KDM4B: variants seen among roughly 807,000 people sequenced by gnomAD.
The protein encoded by KDM4B is lysine-specific demethylase 4B.
A neutral mutation model predicts 125.2 loss-of-function variants in KDM4B; 32 were observed. The ratio of observed to expected loss-of-function variants is 0.26; its 90% CI spans 0.19 to 0.34. The LOEUF (loss-of-function observed/expected upper bound fraction) is 0.34. KDM4B is among the 10% of genes least tolerant of loss of function. The pLI, the probability that KDM4B is intolerant of heterozygous loss-of-function variation, is 1.00. For missense variants in KDM4B, 1,190 were observed against 1,577.7 expected (o/e 0.75, Z 4.16); for synonymous variants, 721 against 677.9 (o/e 1.06, Z -0.99).
At chr19:5,017,156 G>A (rs1477291021) in intron 2 of KDM4B, among the ~76,000 whole-genome samples, 1 of 152,186 alleles carries the variant, frequency 6.6e-6, no homozygotes, top group Admixed American at 6.5e-5. Flanking sequence ...GAGGGCGAGT[G>A]TGGACTTGAG....
chr19:5,144,189 GCTCC>G, intron 19 of KDM4B, 37 bp downstream of exon 19: 1 of 1,587,308 alleles, frequency 6.3e-7, no homozygotes, highest in Non-Finnish European at 8.6e-7. Flanking sequence ...CCAGCCCCTG[GCTCC>G]CGCCCCCACC....
chr19:5,041,332 T>C, intron 5 of KDM4B, 81 bp downstream of exon 5: 1 of 1,075,412 alleles, frequency 9.3e-7, no homozygotes, highest in Non-Finnish European at 1.4e-6. Flanking sequence ...GGACTCTGCC[T>C]TGGCAGATGA....
intron 11 of KDM4B, among the ~76,000 whole-genome samples, chr19:5,127,514 G>A (rs1043856891): frequency 5.3e-5 from 8 of 152,238 alleles, no homozygotes; most frequent in Non-Finnish European, 5.9e-5. Context: ...CGGGCTATGC[G>A]TGGAGTGCGT....
At chr19:5,050,749 A>C (rs78165062) in intron 6 of KDM4B, among the ~76,000 whole-genome samples, 14,642 of 151,996 alleles carry the variant, frequency 0.096, 901 homozygotes, top group Admixed American at 0.15. Context: ...AAATACAAAA[A>C]ATGAGCCGGG....
chr19:5,150,254 A>T, intron 21 of KDM4B, 104 bp from the exon 22 acceptor site: 1 of 851,492 alleles, frequency 1.2e-6, no homozygotes, highest in Non-Finnish European at 1.8e-6. Context: ...AGCGGGCCCC[A>T]TGCACCCAAG....
At chr19:5,034,840 AG>A (rs1288888782) in intron 3 of KDM4B, among the ~76,000 whole-genome samples, 1 of 152,114 alleles carries the variant, frequency 6.6e-6, no homozygotes, top group Admixed American at 6.5e-5. Context: ...CTGTTTTGAG[AG>A]GGGGTCTGGC....
At position 5,066,934 on chromosome 19, in the gene KDM4B, G is replaced by A. The variant is rs190573738; in HGVS notation, c.627-4076G>A. On this transcript the variant is annotated intron_variant, in intron 6 of 22. Coordinates refer to ENST00000159111, the MANE Select transcript of KDM4B (RefSeq NM_015015.3). ...GTGGACAGTGGTGCAGAGGAGTGGC[G>A]ATGCCCGGGTCCTGGGTCCTGGGTC... Among the ~76,000 whole-genome samples, 7 of 152,286 alleles carry A rather than the reference G, an allele frequency of 4.6e-5. No homozygotes were observed. In the East Asian group the frequency reaches 5.8e-4, roughly 13 times the overall value.
intron 9 of KDM4B, among the ~76,000 whole-genome samples, chr19:5,086,969 T>G (rs2613781): frequency 0.043 from 6,498 of 152,324 alleles, 198 homozygotes; most frequent in Non-Finnish European, 0.068. Context: ...GCTTACCTAC[T>G]TACACAGCCT....
At chr19:5,048,908 G>T (rs955248119) in intron 6 of KDM4B, among the ~76,000 whole-genome samples, 3 of 152,206 alleles carry the variant, frequency 2.0e-5, no homozygotes, top group Non-Finnish European at 2.9e-5. Context: ...GAAGCAGGGG[G>T]GTCAGGGACA....
intron 2 of KDM4B, among the ~76,000 whole-genome samples, chr19:5,029,524 G>A (rs996630638): frequency 4.6e-5 from 7 of 152,200 alleles, no homozygotes; most frequent in African/African-American, 1.7e-4. Context: ...TCCTAAGCAT[G>A]TCATTTCCAA....
At position 5,135,438 on chromosome 19, in the gene KDM4B, C is replaced by T; in HGVS notation, c.2185C>T (p.Pro729Ser). 6.2e-7 allele frequency: 1 copy of T among 1,613,612 alleles called. No individual in the cohort carries two copies. Among genetic ancestry groups the T allele is most frequent in the South Asian group, 1.1e-5 (1 of 91,092 alleles). ...CCGTCAGAAGACCCGACCGCTCATC[C>T]CTGAGATGTGCTTCACCTCTGGCGG... ...KSRQKTRPLIPEMCFTSGGEN... is the reference protein window; with the variant it reads ...KSRQKTRPLISEMCFTSGGEN... Residue 729 changes from proline to serine, a missense_variant, in exon 15 of 23, where the codon CCT becomes TCT. Around this residue, in one of 7 missense-constraint regions of KDM4B, gnomAD observed 128 missense variants for 137.8 expected, o/e 0.93. Transcript: ENST00000159111.
intron 6 of KDM4B, among the ~76,000 whole-genome samples, chr19:5,051,377 C>T (rs1439616936): frequency 1.3e-5 from 2 of 152,260 alleles, no homozygotes; most frequent in African/African-American, 4.8e-5. Context: ...GGCTTCGGGT[C>T]CCCTTTTGCC....
chr19:5,087,678 A>G (rs1286222623), intron 9 of KDM4B, among the ~76,000 whole-genome samples: 3 of 152,024 alleles, frequency 2.0e-5, no homozygotes, highest in Non-Finnish European at 4.4e-5. Flanking sequence ...ATCTCTGAGT[A>G]TTCCATTTGA....
At chr19:4,977,545 G>A (rs1033047895) in intron 1 of KDM4B, among the ~76,000 whole-genome samples, 3 of 152,208 alleles carry the variant, frequency 2.0e-5, no homozygotes, top group African/African-American at 4.8e-5. Context: ...CGGCAGTGGC[G>A]GTGGGCCTGT....
At chr19:5,051,506 T>C (rs1013165801) in intron 6 of KDM4B, among the ~76,000 whole-genome samples, 1 of 152,238 alleles carries the variant, frequency 6.6e-6, no homozygotes, top group Non-Finnish European at 1.5e-5. Flanking sequence ...GGGATCAGCA[T>C]GTTCCTGGGG....
chr19:5,051,095 G>A (rs2037207665), intron 6 of KDM4B, among the ~76,000 whole-genome samples: 2 of 152,046 alleles, frequency 1.3e-5, no homozygotes, highest in South Asian at 2.1e-4. Context: ...CACAGGCGTC[G>A]CCACGAGGCT....
chr19:5,015,526 C>A (rs1470644729), intron 1 of KDM4B, among the ~76,000 whole-genome samples: 1 of 151,758 alleles, frequency 6.6e-6, no homozygotes, highest in African/African-American at 2.4e-5. Context: ...TGCTGGGATT[C>A]CAGATGTCAG....
At chr19:4,982,452 C>CA (rs773410154) in intron 1 of KDM4B, among the ~76,000 whole-genome samples, 5,865 of 52,930 alleles carry the variant, frequency 0.11, 703 homozygotes, top group African/African-American at 0.28. Context: ...GACTCCGTCT[C>CA]AAAAAAAAAA....
At chr19:5,102,337 G>A (rs748052735) in intron 9 of KDM4B, among the ~76,000 whole-genome samples, 2 of 152,202 alleles carry the variant, frequency 1.3e-5, no homozygotes, top group Non-Finnish European at 2.9e-5. Context: ...AGCCATGAGC[G>A]TGGCCTCCTT....
Sources: allele counts gnomAD v4.1 joint callset (sites outside exome capture counted in the v4.1 genomes callset), GRCh38; gene constraint gnomAD v4.1.1; regional missense constraint gnomAD v4.1.1; transcripts MANE v1.5; gene names NCBI Gene and HGNC (gene_info 2026-07-23, HGNC 2026-07-21).